Variants in MTA3 observed in about 807,000 individuals in gnomAD.
MTA3 encodes the protein metastasis-associated protein MTA3.
Under a neutral mutation model 83.5 loss-of-function variants are expected in MTA3, and 34 were observed. The ratio of observed to expected loss-of-function variants is 0.41; its 90% CI spans 0.31 to 0.54. The LOEUF is 0.54. MTA3 is among the 20% of genes least tolerant of loss of function. The pLI is 0.33. For missense variants in MTA3, 761 were observed against 726.4 expected (o/e 1.05, Z -0.55); for synonymous variants, 303 against 252.7 (o/e 1.20, Z -1.89).
intron 2 of MTA3, among the ~76,000 whole-genome samples, chr2:42,516,706 G>C (rs905333990): frequency 2.6e-5 from 4 of 152,124 alleles, no homozygotes; most frequent in African/African-American, 9.7e-5. Flanking sequence ...GATATATAGA[G>C]AAAACAAAGA....
intron 1 of MTA3, chr2:42,569,653 C>T (rs769849245): frequency 3.3e-5 from 5 of 152,158 alleles, no homozygotes; most frequent in Admixed American, 6.6e-5. Flanking sequence ...AATAACAATG[C>T]AGCTGCCTTT....
chr2:42,749,527 G>A (rs1669704141), intron 16 of MTA3, among the ~76,000 whole-genome samples: 1 of 152,152 alleles, frequency 6.6e-6, no homozygotes, highest in African/African-American at 2.4e-5. Flanking sequence ...GAGTGCAGTG[G>A]CATGATCTCG....
At chr2:42,737,922 T>C (rs1668727324) in intron 16 of MTA3, among the ~76,000 whole-genome samples, 1 of 152,144 alleles carries the variant, frequency 6.6e-6, no homozygotes, top group Non-Finnish European at 1.5e-5. Context: ...AAAGCTAATA[T>C]CACAATAAAG....
At chr2:42,744,014 G>T (rs1669228131) in intron 16 of MTA3, among the ~76,000 whole-genome samples, 1 of 152,158 alleles carries the variant, frequency 6.6e-6, no homozygotes, top group Admixed American at 6.5e-5. Flanking sequence ...TGCTCTCCTT[G>T]TCTCAAAGGG....
chr2:42,498,611 G>A (rs1048948594), intron 2 of MTA3, among the ~76,000 whole-genome samples: 1 of 152,124 alleles, frequency 6.6e-6, no homozygotes, highest in Non-Finnish European at 1.5e-5. Flanking sequence ...TTTGTGATGG[G>A]GCTTTAGCAT....
chr2:42,753,697 A>G lies in MTA3; in HGVS notation c.*298A>G. 2.4e-6 allele frequency: 3 copies of G among 1,245,384 alleles called. No individual in the cohort carries two copies. The highest frequency in any genetic ancestry group is 3.0e-6 in the Non-Finnish European group (3 of 983,926). 77.1% of individuals were successfully genotyped at this position (1,245,384 alleles called of 1,614,324 possible). A position where few individuals can be genotyped will look rare whatever the true frequency, so the allele number is the denominator to read the frequency against. On this transcript the variant is annotated 3_prime_UTR_variant, in exon 17 of 17. Coordinates refer to ENST00000405094, the MANE Select transcript of MTA3 (RefSeq NM_001330442.2). ...AACCCCTCCACCTCCTCCCTTCTGC[A>G]GCGCCCTGCGCCCCACCCAGCAACA...
chr2:42,505,252 C>T (rs896290366), intron 2 of MTA3, among the ~76,000 whole-genome samples: 1 of 152,028 alleles, frequency 6.6e-6, no homozygotes, highest in Non-Finnish European at 1.5e-5. Context: ...ATTAGCCCGG[C>T]GTGGTGGCAT....
At chr2:42,600,626 C>T (rs1457762096) in intron 3 of MTA3, among the ~76,000 whole-genome samples, 1 of 152,048 alleles carries the variant, frequency 6.6e-6, no homozygotes, top group Non-Finnish European at 1.5e-5. Flanking sequence ...ACTGCAACCT[C>T]TGCCTCCTGG....
At chr2:42,524,957 C>CT (rs540854902) in intron 2 of MTA3, among the ~76,000 whole-genome samples, 1,425 of 141,044 alleles carry the variant, frequency 0.01, 8 homozygotes, top group African/African-American at 0.019. Flanking sequence ...CTGTGGGTCT[C>CT]TTTTTTTTTT....
chr2:42,616,218 G>A (rs546072030), intron 4 of MTA3, among the ~76,000 whole-genome samples: 1 of 152,004 alleles, frequency 6.6e-6, no homozygotes, highest in African/African-American at 2.4e-5. Flanking sequence ...GTGCCACCAC[G>A]CCTGGCTAAT....
At chr2:42,729,744 C>T (rs1668117792) in intron 16 of MTA3, among the ~76,000 whole-genome samples, 1 of 152,100 alleles carries the variant, frequency 6.6e-6, no homozygotes. Flanking sequence ...CAGTTTTGTT[C>T]CTTTTGTTCA....
intron 2 of MTA3, among the ~76,000 whole-genome samples, chr2:42,516,751 GA>G (rs1391288341): frequency 5.3e-5 from 8 of 152,280 alleles, no homozygotes; most frequent in African/African-American, 1.9e-4. Flanking sequence ...AAGAAATTAG[GA>G]AACCAAAATA....
At chr2:42,613,251 T>TA (rs1684440955) in intron 4 of MTA3, among the ~76,000 whole-genome samples, 2 of 152,242 alleles carry the variant, frequency 1.3e-5, no homozygotes, top group Admixed American at 1.3e-4. Context: ...ACAAGGGACC[T>TA]AGCTTATAAA....
chr2:42,531,785 C>G (rs1675984573), intron 2 of MTA3, among the ~76,000 whole-genome samples: 1 of 150,802 alleles, frequency 6.6e-6, no homozygotes, highest in African/African-American at 2.4e-5. Flanking sequence ...GAGACGGAGT[C>G]TCGCTCTGTC....
At chr2:42,534,950 T>G (rs1676153334) in intron 2 of MTA3, among the ~76,000 whole-genome samples, 1 of 152,050 alleles carries the variant, frequency 6.6e-6, no homozygotes, top group African/African-American at 2.4e-5. Flanking sequence ...ACAGCCTTCT[T>G]GGACCTGAGA....
At chr2:42,554,929 T>G (rs937930233) in intron 2 of MTA3, among the ~76,000 whole-genome samples, 5 of 152,114 alleles carry the variant, frequency 3.3e-5, no homozygotes, top group Non-Finnish European at 5.9e-5. Flanking sequence ...GGCTTGAGGA[T>G]CACTTGATGT....
intron 4 of MTA3, among the ~76,000 whole-genome samples, chr2:42,624,130 G>A (rs185964193): frequency 2.0e-5 from 3 of 152,154 alleles, no homozygotes; most frequent in Admixed American, 2.0e-4. Context: ...TTTTTAGGAT[G>A]TTACTGGAAG....
intron 16 of MTA3, among the ~76,000 whole-genome samples, chr2:42,731,738 C>T (rs1668244976): frequency 6.6e-6 from 1 of 152,176 alleles, no homozygotes; most frequent in South Asian, 2.1e-4. Flanking sequence ...GCCTTCCCAA[C>T]AGTCCCCCAA....
rs148536498 is a variant in MTA3, at chr2:42,534,509, A to G, written c.-140-35928A>G. ...CTATTCGGGAGGCTGAGGGAGGAGA[A>G]TCGCTTGAACCCGGGAGGCAGAGGT... On this transcript the variant is annotated intron_variant, in intron 2 of 17. Transcript: ENST00000405592. Among the ~76,000 whole-genome samples, 204 of 152,284 alleles carry G rather than the reference A, an allele frequency of 1.3e-3. 1 individual carries two copies. In the Middle Eastern group the frequency reaches 0.017, roughly 13 times the overall value.
Sources: allele counts gnomAD v4.1 joint callset (sites outside exome capture counted in the v4.1 genomes callset), GRCh38; gene constraint gnomAD v4.1.1; transcripts MANE v1.5; gene names NCBI Gene and HGNC (gene_info 2026-07-23, HGNC 2026-07-21).